The following CRIM1 variants were observed in gnomAD, a reference collection of about 807,000 sequenced individuals.
The protein encoded by CRIM1 is cysteine-rich motor neuron 1 protein.
A neutral mutation model predicts 116.4 loss-of-function variants in CRIM1; 32 were observed. The ratio of observed to expected loss-of-function variants is 0.27; its 90% CI spans 0.21 to 0.37. The LOEUF is 0.37. Among genes scored for constraint, CRIM1 ranks in the 10% least tolerant of loss-of-function variants. The pLI, the probability that CRIM1 is intolerant of heterozygous loss-of-function variation, is 1.00. For synonymous variants in CRIM1, 590 were observed against 509.2 expected (o/e 1.16, Z -2.13); for missense variants, 1,331 against 1,354.8 (o/e 0.98, Z 0.28).
intron 2 of CRIM1, among the ~76,000 whole-genome samples, chr2:36,412,430 AT>A (rs1398190966): frequency 1.3e-5 from 2 of 152,086 alleles, no homozygotes; most frequent in Non-Finnish European, 2.9e-5. Flanking sequence ...CCATCGAGAG[AT>A]TGGCAGTGGG....
chr2:36,520,838 A>G (rs927084622), intron 12 of CRIM1, among the ~76,000 whole-genome samples: 2 of 152,238 alleles, frequency 1.3e-5, no homozygotes, highest in Non-Finnish European at 2.9e-5. Context: ...CTTCTGGATC[A>G]TATGGCAACT....
intron 2 of CRIM1, among the ~76,000 whole-genome samples, chr2:36,413,136 T>TA (rs760537386): frequency 4.6e-5 from 7 of 152,120 alleles, no homozygotes; most frequent in Non-Finnish European, 7.4e-5. Context: ...GCGCTAGAAA[T>TA]ATAAATAAAT....
chr2:36,477,689 C>T (rs1158394219), intron 6 of CRIM1, among the ~76,000 whole-genome samples: 1 of 152,226 alleles, frequency 6.6e-6, no homozygotes, highest in Non-Finnish European at 1.5e-5. Flanking sequence ...TTCCCCTTTT[C>T]TCTCCAAGAA....
intron 8 of CRIM1, among the ~76,000 whole-genome samples, chr2:36,508,535 A>T (rs753824370): frequency 2.6e-5 from 4 of 152,216 alleles, no homozygotes; most frequent in Non-Finnish European, 5.9e-5. Flanking sequence ...TCATTCCAAT[A>T]ATTAGACTCT....
chr2:36,378,117 C>T (rs117674202), intron 1 of CRIM1, among the ~76,000 whole-genome samples: 1 of 152,140 alleles, frequency 6.6e-6, no homozygotes, highest in Non-Finnish European at 1.5e-5. Context: ...TGCATTGTAA[C>T]GTATGTTTGC....
intron 8 of CRIM1, among the ~76,000 whole-genome samples, chr2:36,503,037 T>G (rs372633449): frequency 6.6e-6 from 1 of 152,256 alleles, no homozygotes; most frequent in African/African-American, 2.4e-5. Flanking sequence ...TACAGAAGTC[T>G]AGACATACAG....
At chr2:36,422,520 G>A (rs1476924190) in intron 2 of CRIM1, among the ~76,000 whole-genome samples, 3 of 152,132 alleles carry the variant, frequency 2.0e-5, no homozygotes, top group Non-Finnish European at 4.4e-5. Flanking sequence ...GTGTTTGTAA[G>A]AGTTATTTCA....
Position 36,477,887 on chromosome 2 carries a change from C to G in CRIM1, c.1174+816C>G, listed in dbSNP as rs567288986. On this transcript the variant is annotated intron_variant, in intron 6 of 16. Coordinates refer to ENST00000280527, the MANE Select transcript of CRIM1 (RefSeq NM_016441.3). ...AGTCACTTTACACTGCAGCCAGTAA[C>G]AATAACCCCGTGCCTGACTGTGTCT... Among the ~76,000 whole-genome samples the G allele has an allele frequency of 7.9e-5, 12 of 152,298 alleles. No individual in the cohort carries two copies. The East Asian group carries it at 2.3e-3, about 29-fold the overall frequency.
chr2:36,513,637 G>T lies in CRIM1; in HGVS notation c.1862G>T (p.Ser621Ile), dbSNP rs535867218. The T allele has an allele frequency of 2.2e-5, 35 of 1,614,212 alleles. No homozygotes were observed. The highest frequency in any genetic ancestry group is 2.6e-5 in the Non-Finnish European group (31 of 1,180,032). The change falls in exon 11 of 17, where the codon AGC (serine) becomes ATC (isoleucine). Residue 621 changes from serine (S) to isoleucine (I), a missense_variant. By Grantham distance (142) the Ser-to-Ile change is moderately radical (BLOSUM62 -2). This residue lies in a region of CRIM1 where 358 missense variants were observed against 436.1 expected (regional missense o/e 0.82). Transcript: ENST00000280527. The part of the protein sequence containing the change: ...VDGHHHKNEE[S>I]WHDGCRECYC... ...GGTCATCATCATAAAAATGAGGAGA[G>T]CTGGCACGATGGGTGCCGGGAATGC...
chr2:36,465,908 C>T (rs1206618647), intron 5 of CRIM1, among the ~76,000 whole-genome samples: 27 of 147,916 alleles, frequency 1.8e-4, no homozygotes, highest in African/African-American at 5.6e-4. Flanking sequence ...TTTTTTGAGA[C>T]AGAGTCTCGC....
chr2:36,517,243 C>A, intron 11 of CRIM1, 84 bp from the exon 12 acceptor site: 2 of 1,032,934 alleles, frequency 1.9e-6, no homozygotes, highest in South Asian at 1.3e-5. Flanking sequence ...TCTCTTCTAT[C>A]CCTTAAAGCA....
intron 12 of CRIM1, 75 bp from the exon 13 acceptor site, chr2:36,522,017 C>T (rs540892747): frequency 1.6e-6 from 2 of 1,267,156 alleles, no homozygotes; most frequent in East Asian, 4.6e-5. Context: ...ACTGGGTGTG[C>T]TTTGAAACAC....
intron 7 of CRIM1, among the ~76,000 whole-genome samples, chr2:36,483,197 T>G (rs955674155): frequency 8.5e-5 from 13 of 152,230 alleles, no homozygotes; most frequent in African/African-American, 3.1e-4. Context: ...TTTTATTTTC[T>G]GACCCCTGTG....
chr2:36,393,483 A>G (rs1290973614), intron 1 of CRIM1, among the ~76,000 whole-genome samples: 2 of 152,244 alleles, frequency 1.3e-5, no homozygotes, highest in East Asian at 3.9e-4. Context: ...GTGTGTCTAT[A>G]TACACATATA....
chr2:36,543,724 T>A (rs77564470), intron 14 of CRIM1, among the ~76,000 whole-genome samples: 2,877 of 148,286 alleles, frequency 0.019, 90 homozygotes, highest in African/African-American at 0.072. Flanking sequence ...ATATTTGAGA[T>A]AAATAATATT....
At chr2:36,364,702 G>A (rs770432895) in intron 1 of CRIM1, among the ~76,000 whole-genome samples, 1 of 152,096 alleles carries the variant, frequency 6.6e-6, no homozygotes, top group Non-Finnish European at 1.5e-5. Context: ...CGTGAGATCA[G>A]CTTGTTTAGT....
chr2:36,475,834 G>T (rs1221601601), intron 5 of CRIM1, among the ~76,000 whole-genome samples: 1 of 152,128 alleles, frequency 6.6e-6, no homozygotes, highest in African/African-American at 2.4e-5. Flanking sequence ...TCTATCGAAT[G>T]ATCATGTTGC....
intron 6 of CRIM1, 109 bp downstream of exon 6, chr2:36,477,180 T>A: frequency 1.1e-6 from 1 of 921,050 alleles, no homozygotes; most frequent in Non-Finnish European, 1.6e-6. Context: ...ATATTGAAGT[T>A]CCTTTTTTAG....
chr2:36,499,065 G>T (rs1231544933), intron 7 of CRIM1, among the ~76,000 whole-genome samples, 154 bp from the exon 8 acceptor site: 1 of 152,220 alleles, frequency 6.6e-6, no homozygotes, highest in Non-Finnish European at 1.5e-5. Flanking sequence ...TGTTTCAGGG[G>T]TTAAAGATAT....
Sources: allele counts gnomAD v4.1 joint callset (sites outside exome capture counted in the v4.1 genomes callset), GRCh38; gene constraint gnomAD v4.1.1; regional missense constraint gnomAD v4.1.1; transcripts MANE v1.5; gene names NCBI Gene and HGNC (gene_info 2026-07-23, HGNC 2026-07-21).